NKAIN2: variants seen among roughly 807,000 people sequenced by gnomAD.
The protein encoded by NKAIN2 is sodium/potassium transporting ATPase interacting 2, also known as sodium/potassium-transporting ATPase subunit beta-1-interacting protein 2.
NKAIN2 carries 14 observed loss-of-function variants against 32.6 expected under a neutral mutation model. The observed-to-expected ratio is 0.43, with a 90% CI of 0.28 to 0.67. NKAIN2 has a LOEUF of 0.67. Ranked by LOEUF, NKAIN2 falls within the 30% of genes least tolerant of loss-of-function variation. The pLI is 0.17. For missense variants in NKAIN2, 198 were observed against 258.3 expected (o/e 0.77, Z 1.60); for synonymous variants, 80 against 87.2 (o/e 0.92, Z 0.46).
chr6:123,844,585 G>T (rs181543324), intron 1 of NKAIN2, among the ~76,000 whole-genome samples: 1 of 152,084 alleles, frequency 6.6e-6, no homozygotes, highest in South Asian at 2.1e-4. Flanking sequence ...CTAAACTTCA[G>T]TTCACACCAG....
chr6:124,350,570 A>G (rs190311223), intron 2 of NKAIN2, among the ~76,000 whole-genome samples: 170 of 152,346 alleles, frequency 1.1e-3, no homozygotes, highest in Non-Finnish European at 2.0e-3. Context: ...TACCCTCTGT[A>G]GCACTAGGGT....
Position 124,291,099 on chromosome 6 carries a change from CAG to C in NKAIN2, c.192+7961_192+7962del, listed in dbSNP as rs564743932. On this transcript the variant is annotated intron_variant, in intron 2 of 6. Transcript: ENST00000368417. Reference sequence around the variant, plus strand: ...TTTCTGAGTTTTATCTGTCTCATGACAGAGAATGACTTTATTCTACCTTTACA... The same window carrying C: ...TTTCTGAGTTTTATCTGTCTCATGACAGAATGACTTTATTCTACCTTTACA... 2.7e-4 allele frequency among the ~76,000 whole-genome samples: 41 copies of C among 152,218 alleles called. No homozygotes were observed. In the East Asian group the frequency reaches 7.5e-3, roughly 28 times the overall value.
chr6:124,725,385 T>C (rs1776225846), intron 4 of NKAIN2, among the ~76,000 whole-genome samples: 1 of 152,156 alleles, frequency 6.6e-6, no homozygotes, highest in Non-Finnish European at 1.5e-5. Flanking sequence ...ATTATAGATG[T>C]GAGCCATCGC....
chr6:124,471,279 A>G (rs918018302), intron 3 of NKAIN2, among the ~76,000 whole-genome samples: 8 of 152,186 alleles, frequency 5.3e-5, no homozygotes, highest in Non-Finnish European at 1.2e-4. Context: ...ATGAAATTCT[A>G]AATACATAAT....
At chr6:124,360,690 A>T (rs1301860927) in intron 3 of NKAIN2, among the ~76,000 whole-genome samples, 2 of 152,294 alleles carry the variant, frequency 1.3e-5, no homozygotes. Context: ...ATAAAATGAT[A>T]CATAAGATGA....
intron 1 of NKAIN2, among the ~76,000 whole-genome samples, chr6:124,149,321 A>G (rs942580885): frequency 1.3e-5 from 2 of 152,152 alleles, no homozygotes; most frequent in African/African-American, 4.8e-5. Context: ...CTTTTGTCAC[A>G]TGTACTTTTA....
At chr6:124,514,463 C>G (rs1033349377) in intron 3 of NKAIN2, among the ~76,000 whole-genome samples, 6 of 152,090 alleles carry the variant, frequency 3.9e-5, no homozygotes, top group African/African-American at 1.4e-4. Context: ...TTCTCAGGCT[C>G]CATCCTAGAC....
At chr6:124,722,156 CTTTCTT>C (rs1776053223) in intron 4 of NKAIN2, among the ~76,000 whole-genome samples, 1 of 152,142 alleles carries the variant, frequency 6.6e-6, no homozygotes, top group South Asian at 2.1e-4. Flanking sequence ...TCAGAATTTC[CTTTCTT>C]TTTAAGGCTG....
At position 124,647,424 on chromosome 6, in the gene NKAIN2, A is replaced by G. The variant is rs74704639; in HGVS notation, c.274-10762A>G. ...TAGCCAGACGTGCTCACTTGAACCCAGGAGGTGGAGGGTCTAGTAAGCCAA... is the reference window on the plus strand; with the variant it reads ...TAGCCAGACGTGCTCACTTGAACCCGGGAGGTGGAGGGTCTAGTAAGCCAA... On this transcript the variant is annotated intron_variant, in intron 3 of 6. Coordinates refer to ENST00000368417, the MANE Select transcript of NKAIN2 (RefSeq NM_001040214.3). 7.3e-4 allele frequency among the ~76,000 whole-genome samples: 98 copies of G among 134,564 alleles called. 1 individual carries two copies. The East Asian group carries it at 0.02, about 27-fold the overall frequency. The allele number at this position is 134,564 out of a possible 152,430, so 88.3% of individuals were successfully genotyped here. A position where few individuals can be genotyped will look rare whatever the true frequency, so the allele number is the denominator to read the frequency against.
chr6:124,402,276 G>A (rs1045157402), intron 3 of NKAIN2, among the ~76,000 whole-genome samples: 1 of 152,112 alleles, frequency 6.6e-6, no homozygotes, highest in Non-Finnish European at 1.5e-5. Flanking sequence ...AATAGAAGTC[G>A]ATAAATCTAT....
chr6:124,393,166 G>A (rs1773216848), intron 3 of NKAIN2, among the ~76,000 whole-genome samples: 1 of 152,076 alleles, frequency 6.6e-6, no homozygotes, highest in South Asian at 2.1e-4. Flanking sequence ...GGAAATCCAG[G>A]TTTAGTCTGA....
chr6:124,202,679 G>A (rs183576452), intron 1 of NKAIN2, among the ~76,000 whole-genome samples: 39 of 151,928 alleles, frequency 2.6e-4, no homozygotes, highest in Admixed American at 2.2e-3. Flanking sequence ...CTAAGGAATG[G>A]TGACAAACAT....
At chr6:124,704,947 A>T (rs1774979952) in intron 4 of NKAIN2, among the ~76,000 whole-genome samples, 1 of 152,050 alleles carries the variant, frequency 6.6e-6, no homozygotes, top group South Asian at 2.1e-4. Flanking sequence ...CTGTGAATAT[A>T]TTTATTTAAT....
chr6:123,824,557 G>A (rs148820686), intron 1 of NKAIN2, among the ~76,000 whole-genome samples: 2 of 151,986 alleles, frequency 1.3e-5, no homozygotes, highest in Non-Finnish European at 2.9e-5. Context: ...TAGAAAGTTG[G>A]AGTAGTTTAC....
chr6:124,808,475 G>T (rs911104769), intron 5 of NKAIN2, among the ~76,000 whole-genome samples: 17 of 152,218 alleles, frequency 1.1e-4, no homozygotes, highest in African/African-American at 3.9e-4. Flanking sequence ...GTATTGATGG[G>T]ACGTATCTCA....
At chr6:124,312,284 C>T (rs1388617315) in intron 2 of NKAIN2, among the ~76,000 whole-genome samples, 1 of 152,104 alleles carries the variant, frequency 6.6e-6, no homozygotes, top group Non-Finnish European at 1.5e-5. Context: ...CTGCAGACAC[C>T]AGCTAGCTGT....
chr6:123,939,846 T>C (rs1233736241), intron 1 of NKAIN2, among the ~76,000 whole-genome samples: 1 of 151,922 alleles, frequency 6.6e-6, no homozygotes, highest in Non-Finnish European at 1.5e-5. Context: ...GTCCCAGCGG[T>C]GCTCTCCATA....
chr6:124,668,114 G>A (rs1401648324), intron 4 of NKAIN2, among the ~76,000 whole-genome samples: 1 of 152,078 alleles, frequency 6.6e-6, no homozygotes, highest in Non-Finnish European at 1.5e-5. Flanking sequence ...TCAAGCAGTG[G>A]CCCTGAGAGT....
chr6:123,984,250 T>C (rs1779033794), intron 1 of NKAIN2, among the ~76,000 whole-genome samples: 1 of 152,100 alleles, frequency 6.6e-6, no homozygotes, highest in Non-Finnish European at 1.5e-5. Context: ...CAAATTATTA[T>C]TAAAATTGCT....
Sources: gnomAD v4.1 joint callset for allele counts (sites outside exome capture counted in the v4.1 genomes callset) on GRCh38, gnomAD v4.1.1 for gene constraint, MANE v1.5 for transcripts, NCBI Gene and HGNC (gene_info 2026-07-23, HGNC 2026-07-21) for gene names.